LIPC: variants seen among roughly 807,000 people sequenced by gnomAD.
The protein encoded by LIPC is hepatic triacylglycerol lipase.
In LIPC, 44 loss-of-function variants were observed where a neutral mutation model predicts 50.7. That is an observed-to-expected ratio of 0.87 (90% CI 0.68 to 1.11). The LOEUF is 1.11. Among genes scored for constraint, LIPC ranks in the 50% most tolerant of loss-of-function variants. The pLI, the probability that LIPC is intolerant of heterozygous loss-of-function variation, is 0.00. For synonymous variants in LIPC, 271 were observed against 256.4 expected, an observed-to-expected ratio of 1.06 and a Z score of -0.54; for missense variants, 697 against 648.2, an observed-to-expected ratio of 1.08 and a Z score of -0.82.
At chr15:58,556,709 T>C (rs902609725) in intron 6 of LIPC, among the ~76,000 whole-genome samples, 1 of 152,242 alleles carries the variant, frequency 6.6e-6, no homozygotes, top group African/African-American at 2.4e-5. Context: ...AATGGCTTCA[T>C]AAGAGTAAAT....
intron 1 of LIPC, among the ~76,000 whole-genome samples, chr15:58,467,359 C>G (rs1177260290): frequency 6.6e-6 from 1 of 152,154 alleles, no homozygotes; most frequent in Non-Finnish European, 1.5e-5. Context: ...GTGAGCTCCT[C>G]AGAACCGCTC....
intron 6 of LIPC, among the ~76,000 whole-genome samples, chr15:58,549,306 C>T (rs1168622563): frequency 2.0e-5 from 3 of 152,234 alleles, no homozygotes; most frequent in African/African-American, 7.2e-5. Flanking sequence ...TTTAGCATCT[C>T]ACTGTTTCAT....
intron 6 of LIPC, among the ~76,000 whole-genome samples, chr15:58,550,465 A>G (rs1007542): frequency 0.97 from 147,496 of 152,298 alleles, 71,611 homozygotes; most frequent in East Asian, 1. Context: ...CGACCACCAT[A>G]CACTGCTGAT....
At position 58,560,982 on chromosome 15, in the gene LIPC, G is replaced by C; in HGVS notation, c.1169+1G>C. ...AAATGCAGAAAATTCCCATCACTCT[G>C]TGAGTAGGAGGTGTAGCCCCCTAGG... On this transcript the variant is annotated splice_donor_variant, in intron 7 of 8. Transcript: ENST00000299022. LOFTEE classifies it high-confidence loss of function. 7.5e-7 allele frequency: 1 copy of C among 1,329,518 alleles called. No individual in the cohort carries two copies. Among genetic ancestry groups the C allele is most frequent in the Admixed American group, 1.7e-5 (1 of 58,436 alleles). 82.4% of individuals were successfully genotyped at this position (1,329,518 alleles called of 1,614,324 possible).
At chr15:58,511,880 C>T (rs1411295660) in intron 1 of LIPC, among the ~76,000 whole-genome samples, 4 of 152,080 alleles carry the variant, frequency 2.6e-5, no homozygotes, top group Non-Finnish European at 4.4e-5. Flanking sequence ...TTATTGATGT[C>T]GTGGGGGAGT....
intron 8 of LIPC, among the ~76,000 whole-genome samples, chr15:58,567,367 A>G (rs1426966820): frequency 1.3e-4 from 15 of 119,878 alleles, no homozygotes; most frequent in Admixed American, 9.3e-4. Flanking sequence ...ATGTATATGT[A>G]TATATATATA....
At chr15:58,539,674 C>G (rs1206134677) in intron 2 of LIPC, among the ~76,000 whole-genome samples, 1 of 151,978 alleles carries the variant, frequency 6.6e-6, no homozygotes, top group Non-Finnish European at 1.5e-5. Flanking sequence ...GAAAATGAAC[C>G]CTTCCATCAC....
At chr15:58,564,406 C>T (rs1045642957) in intron 8 of LIPC, among the ~76,000 whole-genome samples, 2 of 151,902 alleles carry the variant, frequency 1.3e-5, no homozygotes, top group African/African-American at 4.8e-5. Context: ...TCCAGGGATA[C>T]GAAGGAGCTG....
At chr15:58,507,705 G>A (rs1403738963) in intron 1 of LIPC, among the ~76,000 whole-genome samples, 1 of 152,212 alleles carries the variant, frequency 6.6e-6, no homozygotes, top group Non-Finnish European at 1.5e-5. Context: ...CTAAGGGAAA[G>A]CTTCCCCTTT....
At chr15:58,491,065 AC>A (rs766901853) in intron 1 of LIPC, among the ~76,000 whole-genome samples, 69 of 152,328 alleles carry the variant, frequency 4.5e-4, no homozygotes, top group Non-Finnish European at 7.6e-4. Flanking sequence ...AGGTCAAGGA[AC>A]AAAAGCACCC....
At chr15:58,472,342 AG>A (rs1373053058) in intron 1 of LIPC, among the ~76,000 whole-genome samples, 1 of 150,362 alleles carries the variant, frequency 6.7e-6, no homozygotes, top group East Asian at 2.0e-4. Context: ...TGGGAGGCCG[AG>A]GGAGGTGAAT....
intron 5 of LIPC, among the ~76,000 whole-genome samples, chr15:58,547,814 C>T (rs1043083725): frequency 2.0e-5 from 3 of 151,898 alleles, no homozygotes; most frequent in East Asian, 1.9e-4. Flanking sequence ...TAGACATTGT[C>T]GAGAGGCCTC....
chr15:58,563,402 T>C, intron 7 of LIPC, 103 bp from the exon 8 acceptor site: 1 of 978,538 alleles, frequency 1.0e-6, no homozygotes, highest in Non-Finnish European at 1.6e-6. Flanking sequence ...GCAGCAAAAA[T>C]CCCAAGTCAT....
intron 1 of LIPC, among the ~76,000 whole-genome samples, chr15:58,477,621 C>T (rs939447891): frequency 6.6e-6 from 1 of 152,154 alleles, no homozygotes; most frequent in Non-Finnish European, 1.5e-5. Context: ...TAGAAGACAG[C>T]TCTCCGGTTT....
intron 8 of LIPC, chr15:58,565,524 G>A (rs1433958794): frequency 1.7e-5 from 23 of 1,325,750 alleles, no homozygotes; most frequent in Non-Finnish European, 2.0e-5. Flanking sequence ...TTGGTCTCAC[G>A]TGATCTTTGC....
chr15:58,545,397 T>G (rs1339925765), intron 4 of LIPC, among the ~76,000 whole-genome samples: 1 of 152,146 alleles, frequency 6.6e-6, no homozygotes, highest in Non-Finnish European at 1.5e-5. Flanking sequence ...GGCCACCACA[T>G]CCACATAACT....
At chr15:58,542,775 T>C (rs376615901) in intron 4 of LIPC, 124 bp downstream of exon 4, 1 of 700,096 alleles carries the variant, frequency 1.4e-6, no homozygotes, top group Non-Finnish European at 2.7e-6. Context: ...TCAGCGCTCA[T>C]GAGAGGACTT....
chr15:58,493,488 T>G (rs1255671342), intron 1 of LIPC, among the ~76,000 whole-genome samples: 1 of 150,636 alleles, frequency 6.6e-6, no homozygotes, highest in African/African-American at 2.4e-5. Flanking sequence ...TATATTTTTT[T>G]GTGTATATAT....
At chr15:58,453,168 T>C (rs1486923774) in intron 1 of LIPC, among the ~76,000 whole-genome samples, 3 of 152,148 alleles carry the variant, frequency 2.0e-5, no homozygotes, top group Non-Finnish European at 4.4e-5. Context: ...TCTCCCCGCT[T>C]GGCTGAGCCT....
Sources: gnomAD v4.1 joint callset for allele counts (sites outside exome capture counted in the v4.1 genomes callset) on GRCh38, gnomAD v4.1.1 for gene constraint, MANE v1.5 for transcripts, NCBI Gene and HGNC (gene_info 2026-07-23, HGNC 2026-07-21) for gene names.